PCDHA13: variants seen among roughly 807,000 people sequenced by gnomAD.
The protein encoded by PCDHA13 is protocadherin alpha-13.
PCDHA13 carries 54 observed loss-of-function variants against 64.8 expected under a neutral mutation model. The observed-to-expected ratio is 0.83, with a 90% CI of 0.67 to 1.04. The LOEUF (loss-of-function observed/expected upper bound fraction) is 1.04. Ranked by LOEUF, PCDHA13 falls within the 50% of genes least tolerant of loss-of-function variation. The pLI is 0.00. For synonymous variants in PCDHA13, 587 were observed against 564.4 expected (o/e 1.04, Z -0.57); for missense variants, 1,248 against 1,254.3 (o/e 0.99, Z 0.08).
At chr5:140,896,019 C>A (rs2065310725) in intron 1 of PCDHA13, among the ~76,000 whole-genome samples, 1 of 152,144 alleles carries the variant, frequency 6.6e-6, no homozygotes, top group African/African-American at 2.4e-5. Flanking sequence ...CCATGTTGGC[C>A]AGGCTGGTCT....
chr5:140,917,324 C>CGGGGGGG (rs1299895515), intron 1 of PCDHA13, among the ~76,000 whole-genome samples: 2 of 76,152 alleles, frequency 2.6e-5, no homozygotes, highest in African/African-American at 4.3e-5. Flanking sequence ...GTTCATGTGG[C>CGGGGGGG]GGGGGAGGGG....
intron 3 of PCDHA13, 63 bp downstream of exon 3, chr5:140,982,626 T>C (rs782343298): frequency 2.5e-5 from 39 of 1,581,800 alleles, no homozygotes; most frequent in Non-Finnish European, 2.8e-5. Context: ...TGACCTACTT[T>C]TGTAAGATCA....
chr5:140,933,677 T>A (rs1024721491), intron 1 of PCDHA13, among the ~76,000 whole-genome samples: 8 of 151,826 alleles, frequency 5.3e-5, no homozygotes, highest in African/African-American at 1.9e-4. Context: ...CTCTCTCACA[T>A]TTTTTTTCCT....
Position 140,882,961 on chromosome 5 carries a change from G to A in PCDHA13, c.693G>A (p.Thr231=), listed in dbSNP as rs267600401. ...ELTGTVQLLI[T]ILDVNDNAPE... ...CTGGCACAGTTCAGCTGCTCATCAC[G>A]ATTCTGGACGTGAATGACAACGCCC... The change falls in exon 1 of 4, where the codon ACG becomes ACA. Residue 231 remains threonine (T), a synonymous_variant. Coordinates refer to ENST00000289272, the MANE Select transcript of PCDHA13 (RefSeq NM_018904.3). 1 of 1,614,180 alleles carries A rather than the reference G, an allele frequency of 6.2e-7. No individual in the cohort carries two copies. The highest frequency in any genetic ancestry group is 8.5e-7 in the Non-Finnish European group (1 of 1,180,046).
At chr5:140,976,782 A>G (rs1209900673) in intron 1 of PCDHA13, among the ~76,000 whole-genome samples, 1 of 152,212 alleles carries the variant, frequency 6.6e-6, no homozygotes, top group African/African-American at 2.4e-5. Flanking sequence ...CTGACTATAT[A>G]GCTACGCTTT....
Position 140,884,296 on chromosome 5 carries a change from ACAGG to A in PCDHA13, c.2030_2033del (p.Gln677LeufsTer23). On this transcript the variant is annotated frameshift_variant, in exon 1 of 4. Coordinates refer to ENST00000289272, the MANE Select transcript of PCDHA13 (RefSeq NM_018904.3). LOFTEE classifies it high-confidence loss of function. Reference sequence around the variant, plus strand: ...CGCTGGTGGAGAGCGGCCAAGCGCCACAGGCTTCGTCGAGGGCGTCGGCAGGCGC... The same window carrying A: ...CGCTGGTGGAGAGCGGCCAAGCGCCACTTCGTCGAGGGCGTCGGCAGGCGC... 6.2e-7 allele frequency: 1 copy of A among 1,613,674 alleles called. No individual in the cohort carries two copies. Among genetic ancestry groups the A allele is most frequent in the Non-Finnish European group, 8.5e-7 (1 of 1,179,828 alleles).
intron 3 of PCDHA13, among the ~76,000 whole-genome samples, chr5:141,003,504 G>A (rs1336599901): frequency 9.2e-5 from 14 of 152,020 alleles, no homozygotes; most frequent in African/African-American, 3.4e-4. Context: ...GTAGAGATGG[G>A]GTTTCACCAT....
chr5:140,937,921 A>G (rs1304092674), intron 1 of PCDHA13, among the ~76,000 whole-genome samples: 2 of 152,184 alleles, frequency 1.3e-5, no homozygotes, highest in Non-Finnish European at 2.9e-5. Flanking sequence ...CAAAAAAAAA[A>G]AAAAAAGTTT....
Position 140,882,849 on chromosome 5 carries a change from T to A in PCDHA13, c.581T>A (p.Leu194His). The A allele has an allele frequency of 1.2e-6, 2 of 1,614,242 alleles. No individual in the cohort carries two copies. Among genetic ancestry groups the A allele is most frequent in the Non-Finnish European group, 1.7e-6 (2 of 1,180,042 alleles). The part of the protein sequence containing the change: ...NSLEQMSSLS[L>H]VLRKTLDREE... Reference sequence around the variant, plus strand: ...CTTGAGCAAATGTCTTCATTATCACTTGTACTGAGGAAAACACTGGACAGA... The same window carrying A: ...CTTGAGCAAATGTCTTCATTATCACATGTACTGAGGAAAACACTGGACAGA... Residue 194 changes from leucine to histidine, a missense_variant, in exon 1 of 4, where the codon CTT (leucine) becomes CAT (histidine). Physicochemically the swap from Leu to His is moderately conservative, Grantham distance 99. Coordinates refer to ENST00000289272, the MANE Select transcript of PCDHA13 (RefSeq NM_018904.3).
chr5:140,994,072 G>T (rs1587604928), intron 3 of PCDHA13, among the ~76,000 whole-genome samples: 1 of 152,242 alleles, frequency 6.6e-6, no homozygotes, highest in East Asian at 1.9e-4. Flanking sequence ...TAATGGTGAA[G>T]GGAGAAATGT....
chr5:140,973,486 C>G (rs1404281642), intron 1 of PCDHA13, among the ~76,000 whole-genome samples: 1 of 152,162 alleles, frequency 6.6e-6, no homozygotes, highest in African/African-American at 2.4e-5. Context: ...ATATTGGTCA[C>G]AGGACTCTTC....
chr5:140,998,781 C>G (rs1554256464), intron 3 of PCDHA13, among the ~76,000 whole-genome samples: 1 of 152,162 alleles, frequency 6.6e-6, no homozygotes, highest in East Asian at 1.9e-4. Context: ...TCAGGCTGGT[C>G]TGGAACCCCT....
chr5:140,934,912 T>C (rs534779508), intron 1 of PCDHA13, among the ~76,000 whole-genome samples: 1 of 152,318 alleles, frequency 6.6e-6, no homozygotes, highest in Admixed American at 6.5e-5. Context: ...GGAATAATTA[T>C]GGATTCACAT....
chr5:140,999,797 T>C (rs2097876830), intron 3 of PCDHA13, among the ~76,000 whole-genome samples: 1 of 152,202 alleles, frequency 6.6e-6, no homozygotes, highest in African/African-American at 2.4e-5. Context: ...CAGAGTTATT[T>C]TGGGCACAAA....
At chr5:140,890,767 T>A (rs1342716029) in intron 1 of PCDHA13, among the ~76,000 whole-genome samples, 3 of 152,210 alleles carry the variant, frequency 2.0e-5, no homozygotes, top group African/African-American at 7.2e-5. Context: ...AAAAATATTT[T>A]AAAACCCCAT....
At chr5:140,916,263 C>A (rs541005754) in intron 1 of PCDHA13, among the ~76,000 whole-genome samples, 43 of 152,316 alleles carry the variant, frequency 2.8e-4, no homozygotes, top group African/African-American at 1.0e-3. Flanking sequence ...ACCCCAAGAG[C>A]ATGCTTGTTG....
chr5:140,902,563 G>C (rs1472097639), intron 1 of PCDHA13, among the ~76,000 whole-genome samples: 2 of 151,808 alleles, frequency 1.3e-5, no homozygotes, highest in African/African-American at 4.8e-5. Context: ...GATTTTTGAG[G>C]GTTTTTAAGA....
intron 1 of PCDHA13, among the ~76,000 whole-genome samples, chr5:140,944,577 C>G (rs2093670906): frequency 6.6e-6 from 1 of 152,270 alleles, no homozygotes; most frequent in Admixed American, 6.5e-5. Flanking sequence ...CTGTAGAGAT[C>G]ACTTCAGAAT....
chr5:140,941,191 T>TTTTTTC (rs1554213809), intron 1 of PCDHA13, among the ~76,000 whole-genome samples: 1 of 93,206 alleles, frequency 1.1e-5, no homozygotes, highest in African/African-American at 3.9e-5. Context: ...GCTTCTTTTT[T>TTTTTTC]TTTCTTTCTT....
Sources: gnomAD v4.1 joint callset for allele counts (sites outside exome capture counted in the v4.1 genomes callset) on GRCh38, gnomAD v4.1.1 for gene constraint, MANE v1.5 for transcripts, NCBI Gene and HGNC (gene_info 2026-07-23, HGNC 2026-07-21) for gene names.